Variants in NOX4 observed in about 807,000 individuals in gnomAD.
NOX4 encodes the protein kidney oxidase-1.
A neutral mutation model predicts 87.6 loss-of-function variants in NOX4; 69 were observed. That is an observed-to-expected ratio of 0.79 (90% CI 0.65 to 0.96). The LOEUF is 0.96. Among genes scored for constraint, NOX4 ranks in the 40% least tolerant of loss-of-function variants. The pLI, the probability that NOX4 is intolerant of heterozygous loss-of-function variation, is 0.00. For synonymous variants in NOX4, 275 were observed against 238.2 expected, an observed-to-expected ratio of 1.15 and a Z score of -1.42; for missense variants, 680 against 681.5, an observed-to-expected ratio of 1.00 and a Z score of 0.02.
the NOX4 span, among the ~76,000 whole-genome samples, chr11:89,574,822 C>A: frequency 6.6e-6 from 1 of 152,216 alleles, no homozygotes; most frequent in Non-Finnish European, 1.5e-5. Flanking sequence ...TGAAGACAGA[C>A]ACATTTTCCT....
At chr11:89,448,346 C>T (rs1944802262) in intron 4 of NOX4, among the ~76,000 whole-genome samples, 1 of 152,104 alleles carries the variant, frequency 6.6e-6, no homozygotes, top group Non-Finnish European at 1.5e-5. Context: ...CACTATGTTT[C>T]TTACTTTCTG....
At chr11:89,382,209 C>T (rs1940339151) in intron 11 of NOX4, among the ~76,000 whole-genome samples, 1 of 152,030 alleles carries the variant, frequency 6.6e-6, no homozygotes. Context: ...CTGGGCTTGC[C>T]TTCTTCACTA....
At chr11:89,385,460 C>T (rs960235487) in intron 11 of NOX4, among the ~76,000 whole-genome samples, 1 of 152,186 alleles carries the variant, frequency 6.6e-6, no homozygotes, top group Admixed American at 6.5e-5. Flanking sequence ...AAACTTCCAA[C>T]TATCAATCTC....
chr11:89,545,331 T>A, the NOX4 span: 7 of 152,304 alleles, frequency 4.6e-5, no homozygotes, highest in South Asian at 1.2e-3. Context: ...ATCTACCTGT[T>A]AAAACAGTAA....
chr11:89,373,610 C>G, intron 11 of NOX4, 118 bp from the exon 12 acceptor site: 1 of 682,940 alleles, frequency 1.5e-6, no homozygotes, highest in Admixed American at 2.2e-5. Context: ...CAGGAAGGAA[C>G]AGACTAAAAT....
At chr11:89,401,325 A>G (rs1193472084) in intron 9 of NOX4, among the ~76,000 whole-genome samples, 6 of 152,076 alleles carry the variant, frequency 3.9e-5, no homozygotes, top group Non-Finnish European at 7.4e-5. Context: ...CAGGTCCCAC[A>G]TGAGCAAAAT....
intron 7 of NOX4, among the ~76,000 whole-genome samples, chr11:89,431,467 C>T (rs1270824033): frequency 3.3e-5 from 5 of 151,950 alleles, no homozygotes; most frequent in East Asian, 1.9e-4. Flanking sequence ...TGACAAAGGG[C>T]TAATATCCAG....
the NOX4 span, among the ~76,000 whole-genome samples, chr11:89,530,717 T>G: frequency 1.3e-5 from 2 of 152,048 alleles, no homozygotes; most frequent in African/African-American, 4.8e-5. Flanking sequence ...AAGTACACCA[T>G]TTCTCTCCTT....
intron 11 of NOX4, among the ~76,000 whole-genome samples, chr11:89,395,295 T>A (rs986934506): frequency 6.6e-6 from 1 of 152,254 alleles, no homozygotes; most frequent in Non-Finnish European, 1.5e-5. Flanking sequence ...GCTGCATAAA[T>A]GTCTTCTTTT....
At chr11:89,538,012 C>T in the NOX4 span, among the ~76,000 whole-genome samples, 1 of 151,986 alleles carries the variant, frequency 6.6e-6, no homozygotes, top group African/African-American at 2.4e-5. Flanking sequence ...GCTTTTTTGC[C>T]CTATTTCTCC....
the NOX4 span, among the ~76,000 whole-genome samples, chr11:89,503,700 C>T: frequency 2.0e-5 from 3 of 151,118 alleles, no homozygotes; most frequent in African/African-American, 7.3e-5. Context: ...TACTTTTAAG[C>T]TTCAAATTCT....
At chr11:89,342,231 A>C in intron 13 of NOX4, 38 bp from the exon 14 acceptor site, 1 of 1,576,322 alleles carries the variant, frequency 6.3e-7, no homozygotes, top group East Asian at 2.3e-5. Context: ...AAAAAATGAA[A>C]ATAAGTGAAA....
At chr11:89,581,012 T>A in the NOX4 span, among the ~76,000 whole-genome samples, 1 of 152,192 alleles carries the variant, frequency 6.6e-6, no homozygotes, top group Admixed American at 6.5e-5. Context: ...AAATTTTAGG[T>A]TGAAAGAAAT....
chr11:89,537,856 G>A, the NOX4 span, among the ~76,000 whole-genome samples: 7 of 152,106 alleles, frequency 4.6e-5, no homozygotes, highest in South Asian at 1.2e-3. Context: ...GATGGCTGTA[G>A]CATGTCTGTT....
intron 5 of NOX4, chr11:89,443,930 C>T (rs1001698850): frequency 5.8e-6 from 3 of 519,004 alleles, no homozygotes; most frequent in Non-Finnish European, 6.9e-6. Flanking sequence ...AGACATTCTA[C>T]CAACTCTCAC....
intron 11 of NOX4, among the ~76,000 whole-genome samples, chr11:89,388,780 G>A (rs1307597347): frequency 3.9e-5 from 6 of 152,052 alleles, no homozygotes; most frequent in Non-Finnish European, 8.8e-5. Context: ...ACTGAAGAAC[G>A]AGGCAAAAAA....
intron 11 of NOX4, among the ~76,000 whole-genome samples, chr11:89,385,636 G>A (rs1397205368): frequency 6.6e-6 from 1 of 152,082 alleles, no homozygotes; most frequent in Non-Finnish European, 1.5e-5. Context: ...TATCCTCAAG[G>A]AAATCAATTC....
At chr11:89,466,807 G>GA (rs1945715647) in intron 2 of NOX4, among the ~76,000 whole-genome samples, 2 of 152,246 alleles carry the variant, frequency 1.3e-5, no homozygotes, top group South Asian at 4.1e-4. Context: ...AGCCTTCCTT[G>GA]ATTAATGAAA....
chr11:89,506,276 A>AGG, the NOX4 span, among the ~76,000 whole-genome samples: 12 of 127,528 alleles, frequency 9.4e-5, no homozygotes, highest in East Asian at 2.4e-4. Context: ...AAAGAAAGAA[A>AGG]AAGAAAGGAA....
Sources: allele counts gnomAD v4.1 joint callset (sites outside exome capture counted in the v4.1 genomes callset), GRCh38; gene constraint gnomAD v4.1.1; transcripts MANE v1.5; gene names NCBI Gene and HGNC (gene_info 2026-07-23, HGNC 2026-07-21).